The following STXBP5L variants were observed in gnomAD, a reference collection of about 807,000 sequenced individuals.
The protein encoded by STXBP5L is syntaxin-binding protein 5-like.
A neutral mutation model predicts 144.5 loss-of-function variants in STXBP5L; 65 were observed. The observed-to-expected ratio is 0.45, with a 90% CI of 0.37 to 0.55. The LOEUF (loss-of-function observed/expected upper bound fraction) is 0.55, where lower values mean the gene tolerates loss of function less well. Ranked by LOEUF, STXBP5L falls within the 20% of genes least tolerant of loss-of-function variation. The pLI, the probability that STXBP5L is intolerant of heterozygous loss-of-function variation, is 0.00. For synonymous variants in STXBP5L, 505 were observed against 469.6 expected (o/e 1.08, Z -0.97); for missense variants, 1,298 against 1,405.5 (o/e 0.92, Z 1.22).
At chr3:121,234,473 C>G (rs2049410320) in intron 12 of STXBP5L, among the ~76,000 whole-genome samples, 1 of 152,106 alleles carries the variant, frequency 6.6e-6, no homozygotes, top group Non-Finnish European at 1.5e-5. Flanking sequence ...ATACCCCCCA[C>G]ATTTCTCTCT....
chr3:121,387,908 C>G (rs1199603907), intron 22 of STXBP5L, among the ~76,000 whole-genome samples: 1 of 152,024 alleles, frequency 6.6e-6, no homozygotes, highest in African/African-American at 2.4e-5. Context: ...TCCATATGAA[C>G]TTTAAAGTAG....
chr3:121,354,195 G>A (rs909454152), intron 20 of STXBP5L, among the ~76,000 whole-genome samples: 1 of 152,152 alleles, frequency 6.6e-6, no homozygotes, highest in Non-Finnish European at 1.5e-5. Context: ...TGTCTATTAG[G>A]TCTGTTTGTT....
chr3:120,974,499 T>C (rs1940696094), intron 3 of STXBP5L, among the ~76,000 whole-genome samples: 1 of 151,226 alleles, frequency 6.6e-6, no homozygotes. Context: ...GGTTGCCTGT[T>C]CACTCTGATG....
At position 120,928,808 on chromosome 3, in the gene STXBP5L, G is replaced by A. The variant is rs774021284; in HGVS notation, c.189+19041G>A. Among the ~76,000 whole-genome samples the A allele has an allele frequency of 6.6e-5, 10 of 152,204 alleles. No individual in the cohort carries two copies. The Middle Eastern group carries it at 0.014, about 207-fold the overall frequency. Reference sequence around the variant, plus strand: ...GTATCCATACTTCAAACATGCAGATGCAGGCAATGATTATTGATTTTTTTG... The same window carrying A: ...GTATCCATACTTCAAACATGCAGATACAGGCAATGATTATTGATTTTTTTG... On this transcript the variant is annotated intron_variant, in intron 2 of 26. Coordinates refer to ENST00000471454, the MANE Select transcript of STXBP5L (RefSeq NM_001308330.2).
intron 20 of STXBP5L, chr3:121,357,749 G>A (rs1309768961): frequency 6.6e-6 from 1 of 152,138 alleles, no homozygotes; most frequent in Non-Finnish European, 1.5e-5. Context: ...AACTATGATG[G>A]TGATGGATAC....
intron 3 of STXBP5L, among the ~76,000 whole-genome samples, chr3:121,016,636 A>G (rs572480491): frequency 6.6e-6 from 1 of 152,312 alleles, no homozygotes; most frequent in Admixed American, 6.5e-5. Context: ...AAGGTGTAAC[A>G]TAGATGTGCG....
At chr3:121,170,063 C>T (rs920382293) in intron 9 of STXBP5L, among the ~76,000 whole-genome samples, 2 of 152,176 alleles carry the variant, frequency 1.3e-5, no homozygotes, top group Non-Finnish European at 2.9e-5. Context: ...CGCACAACTA[C>T]TTGGAAACTT....
At chr3:121,073,577 T>A (rs560306453) in intron 5 of STXBP5L, among the ~76,000 whole-genome samples, 84 of 152,256 alleles carry the variant, frequency 5.5e-4, no homozygotes, top group Middle Eastern at 3.4e-3. Context: ...AGCTATTCCT[T>A]TTCTTTCATG....
intron 3 of STXBP5L, among the ~76,000 whole-genome samples, chr3:121,028,827 A>C (rs1390803083): frequency 2.0e-5 from 3 of 152,076 alleles, no homozygotes; most frequent in Non-Finnish European, 4.4e-5. Flanking sequence ...TGTACCACTT[A>C]ATTCCTGACA....
At position 121,423,652 on chromosome 3, in the gene STXBP5L, G is replaced by T. The variant is rs558397033; in HGVS notation, c.*4555G>T. On this transcript the variant is annotated 3_prime_UTR_variant, in exon 27 of 27. Coordinates refer to ENST00000471454, the MANE Select transcript of STXBP5L (RefSeq NM_001308330.2). ...TTCCCAATTATATTAAAATCATTTG[G>T]AGTGGGAACCAGACACCAATATTTG... 1 of 152,116 alleles carries T rather than the reference G, an allele frequency of 6.6e-6. No individual in the cohort carries two copies. The highest frequency in any genetic ancestry group is 2.1e-4 in the South Asian group (1 of 4,818). 9.4% of individuals were successfully genotyped at this position (152,116 alleles called of 1,614,324 possible). A position where few individuals can be genotyped will look rare whatever the true frequency, so the allele number is the denominator to read the frequency against.
At chr3:121,279,040 AT>A (rs758857414) in intron 18 of STXBP5L, among the ~76,000 whole-genome samples, 17 of 151,918 alleles carry the variant, frequency 1.1e-4, no homozygotes, top group Non-Finnish European at 1.9e-4. Context: ...GCAAAACAAC[AT>A]TCATATAACT....
intron 12 of STXBP5L, among the ~76,000 whole-genome samples, chr3:121,236,417 A>T (rs1298483597): frequency 2.0e-5 from 3 of 152,174 alleles, no homozygotes; most frequent in African/African-American, 7.2e-5. Context: ...TCCAAGGTTG[A>T]GTGTCTGCCT....
intron 3 of STXBP5L, among the ~76,000 whole-genome samples, chr3:120,964,140 G>A (rs1025606695): frequency 6.6e-6 from 1 of 151,210 alleles, no homozygotes; most frequent in Non-Finnish European, 1.5e-5. Flanking sequence ...ATTTTTTATT[G>A]CATGTATTTG....
intron 2 of STXBP5L, among the ~76,000 whole-genome samples, chr3:120,927,391 A>C (rs2107606207): frequency 6.6e-6 from 1 of 152,314 alleles, no homozygotes; most frequent in South Asian, 2.1e-4. Flanking sequence ...TACAGAGCAG[A>C]ATTTCCAAGG....
chr3:121,367,023 T>C (rs961671873), intron 20 of STXBP5L, among the ~76,000 whole-genome samples: 2 of 152,212 alleles, frequency 1.3e-5, no homozygotes, highest in South Asian at 4.1e-4. Context: ...GAAATTCTGA[T>C]ACTTTACAGC....
intron 3 of STXBP5L, among the ~76,000 whole-genome samples, chr3:120,974,697 T>A (rs928601164): frequency 2.6e-5 from 4 of 152,210 alleles, no homozygotes; most frequent in African/African-American, 9.6e-5. Flanking sequence ...AAGTCTTTAA[T>A]CCATCTTGAA....
chr3:121,261,056 C>G (rs1166907988), intron 18 of STXBP5L, among the ~76,000 whole-genome samples: 1 of 152,122 alleles, frequency 6.6e-6, no homozygotes, highest in Non-Finnish European at 1.5e-5. Flanking sequence ...TGAGCTCAAG[C>G]CATCTTCTGA....
chr3:121,069,886 C>T (rs191990321), intron 5 of STXBP5L, among the ~76,000 whole-genome samples: 2 of 152,088 alleles, frequency 1.3e-5, no homozygotes, highest in African/African-American at 4.8e-5. Flanking sequence ...GCACTTTTGT[C>T]GAAACTCCGT....
At chr3:121,092,415 C>T (rs1436598118) in intron 5 of STXBP5L, among the ~76,000 whole-genome samples, 1 of 152,120 alleles carries the variant, frequency 6.6e-6, no homozygotes, top group African/African-American at 2.4e-5. Context: ...ATGGAATGTT[C>T]TTCCATTTGT....
Sources: allele counts gnomAD v4.1 joint callset (sites outside exome capture counted in the v4.1 genomes callset), GRCh38; gene constraint gnomAD v4.1.1; transcripts MANE v1.5; gene names NCBI Gene and HGNC (gene_info 2026-07-23, HGNC 2026-07-21).